Variants in CFAP74 observed in about 807,000 individuals in gnomAD.
The protein encoded by CFAP74 is cilia- and flagella-associated protein 74.
A neutral mutation model predicts 188.9 loss-of-function variants in CFAP74; 124 were observed. That is an observed-to-expected ratio of 0.66 (90% CI 0.57 to 0.76). The LOEUF (loss-of-function observed/expected upper bound fraction) is 0.76. Ranked by LOEUF, CFAP74 falls within the 30% of genes least tolerant of loss-of-function variation. CFAP74 has a pLI of 0.00. For missense variants in CFAP74, 2,198 were observed against 2,165.2 expected (o/e 1.02, Z -0.30); for synonymous variants, 956 against 916.7 (o/e 1.04, Z -0.77).
Position 1,990,774 on chromosome 1 carries a change from T to C in CFAP74, c.67+116A>G, listed in dbSNP as rs1657520200. 13 of 654,110 alleles carry C rather than the reference T, an allele frequency of 2.0e-5. No homozygotes were observed. The East Asian group carries it at 3.8e-4, about 19-fold the overall frequency. The allele number at this position is 654,110 out of a possible 1,614,324, so 40.5% of individuals were successfully genotyped here. The stretch of plus-strand genomic sequence containing the variant: ...AAGCTCCCTCTTTGAGAGAAAAATA[T>C]GAGTGTAAAAGATACCCTCTCCCAG... On this transcript the variant is annotated intron_variant, in intron 2 of 38. Transcript: ENST00000682832.
chr1:1,970,790 C>T lies in CFAP74; in HGVS notation c.915G>A (p.Trp305Ter), dbSNP rs1655904387. The change falls in exon 10 of 39, where the codon TGG becomes TGA. Residue 305 changes from tryptophan (W) to a stop codon, truncating the protein, a stop_gained. Coordinates refer to ENST00000682832, the MANE Select transcript of CFAP74 (RefSeq NM_001304360.2). LOFTEE classifies it high-confidence loss of function. ...CCGCCAGCTCTGCCTTGGCACGGTC[C>T]CATGCTTGGAACTTCCGCAGTGTGT... The part of the protein sequence containing the change: ...NRDTLRKFQA[W>*]DRAKAELAEQ... 1 of 1,614,054 alleles carries T rather than the reference C, an allele frequency of 6.2e-7. No homozygotes were observed. Among genetic ancestry groups the T allele is most frequent in the Non-Finnish European group, 8.5e-7 (1 of 1,180,020 alleles).
chr1:1,943,087 G>A (rs554564854), intron 21 of CFAP74, among the ~76,000 whole-genome samples: 4 of 152,332 alleles, frequency 2.6e-5, no homozygotes, highest in Non-Finnish European at 5.9e-5. Context: ...TCAGGCAGAC[G>A]CTGCTCTGCC....
At chr1:1,953,605 G>A (rs1444593842) in intron 18 of CFAP74, 1 of 153,628 alleles carries the variant, frequency 6.5e-6, no homozygotes, top group African/African-American at 2.4e-5. Flanking sequence ...ATGGTCAATT[G>A]ATTTTTGACA....
At chr1:1,997,294 C>T (rs185650149) in intron 1 of CFAP74, among the ~76,000 whole-genome samples, 3 of 152,012 alleles carry the variant, frequency 2.0e-5, no homozygotes, top group Non-Finnish European at 4.4e-5. Context: ...TGGTGGCGCA[C>T]GCCTGTAATC....
At chr1:1,955,428 C>T (rs1276277907) in intron 18 of CFAP74, 1 of 1,492,700 alleles carries the variant, frequency 6.7e-7, no homozygotes, top group Non-Finnish European at 9.0e-7. Flanking sequence ...TGCGGCTCCG[C>T]CCGTGCTGGG....
At chr1:1,971,205 A>C (rs1486234065) in intron 9 of CFAP74, among the ~76,000 whole-genome samples, 1 of 150,542 alleles carries the variant, frequency 6.6e-6, no homozygotes, top group African/African-American at 2.5e-5. Context: ...GCTTACATGC[A>C]CACCTGCACA....
intron 1 of CFAP74, among the ~76,000 whole-genome samples, chr1:1,998,997 T>G (rs755195864): frequency 6.6e-6 from 1 of 152,244 alleles, no homozygotes; most frequent in Non-Finnish European, 1.5e-5. Context: ...GATTGCTCTA[T>G]AGATTCCCTA....
At chr1:1,928,324 G>A (rs1652083139) in intron 27 of CFAP74, among the ~76,000 whole-genome samples, 1 of 152,040 alleles carries the variant, frequency 6.6e-6, no homozygotes, top group African/African-American at 2.4e-5. Context: ...CCCTTGGGAG[G>A]AAGCCAGGCC....
Position 1,955,463 on chromosome 1 carries a change from CCTT to C in CFAP74, c.2176+225_2176+227del, listed in dbSNP as rs756503785. 5 of 1,561,076 alleles carry C rather than the reference CCTT, an allele frequency of 3.2e-6. No homozygotes were observed. In the South Asian group the frequency reaches 5.6e-5, roughly 17 times the overall value. Reference sequence around the variant, plus strand: ...GCCTGCTGGGCCAATGCTGGAGGTGCCTTCAAGTCTTCGGTTAGCGTCAACGTG... The same window carrying C: ...GCCTGCTGGGCCAATGCTGGAGGTGCCAAGTCTTCGGTTAGCGTCAACGTG... On this transcript the variant is annotated intron_variant, in intron 18 of 38. Coordinates refer to ENST00000682832, the MANE Select transcript of CFAP74 (RefSeq NM_001304360.2).
At chr1:1,969,093 G>A (rs1655696749) in intron 10 of CFAP74, among the ~76,000 whole-genome samples, 1 of 152,200 alleles carries the variant, frequency 6.6e-6, no homozygotes, top group South Asian at 2.1e-4. Context: ...GATGGGCAGA[G>A]GCCAAGCCAG....
rs1455054367 is a variant in CFAP74, at chr1:1,973,061, G to A, written c.675-14C>T. On this transcript the variant is annotated splice_polypyrimidine_tract_variant and intron_variant, in intron 7 of 38. Transcript: ENST00000682832. The surrounding 1 kb of genome is among the most constrained non-coding windows in gnomAD (Gnocchi z 6.2). ...TTCAGGGACTTCCTGTGGGGATATG[G>A]GGCCGTCAGAGGGAAACTCGGCATC... 3 of 1,594,674 alleles carry A rather than the reference G, an allele frequency of 1.9e-6. No individual in the cohort carries two copies. The highest frequency in any genetic ancestry group is 1.7e-6 in the Non-Finnish European group (2 of 1,163,876).
chr1:1,974,742 G>A (rs1022721884), intron 6 of CFAP74, among the ~76,000 whole-genome samples: 10 of 152,246 alleles, frequency 6.6e-5, no homozygotes, highest in Non-Finnish European at 1.0e-4. Context: ...TGAGTGTGGC[G>A]TCTGTGGTGG....
At chr1:1,977,795 A>G (rs541471569) in intron 6 of CFAP74, among the ~76,000 whole-genome samples, 1 of 152,360 alleles carries the variant, frequency 6.6e-6, no homozygotes, top group African/African-American at 2.4e-5. Context: ...CCAGAAAGTC[A>G]TGCAGAAGGA....
intron 4 of CFAP74, chr1:1,987,987 G>C: frequency 2.6e-6 from 1 of 382,686 alleles, no homozygotes; most frequent in Non-Finnish European, 5.2e-6. Context: ...TTTATTTTTA[G>C]AGACAGGGTC....
At chr1:1,991,110 T>C in intron 1 of CFAP74, 135 bp from the exon 2 acceptor site, 1 of 606,472 alleles carries the variant, frequency 1.6e-6, no homozygotes, top group Non-Finnish European at 2.9e-6. Flanking sequence ...CACACACATA[T>C]CTGACACAAG....
chr1:1,955,899 T>C, intron 17 of CFAP74, 49 bp from the exon 18 acceptor site: 1 of 1,568,318 alleles, frequency 6.4e-7, no homozygotes, highest in Non-Finnish European at 8.6e-7. Context: ...CCACCTCCTT[T>C]TCCCAGTCAG....
intron 14 of CFAP74, 200 bp from the exon 15 acceptor site, chr1:1,960,230 C>T (rs1182810142): frequency 2.3e-5 from 13 of 576,966 alleles, no homozygotes; most frequent in Non-Finnish European, 3.6e-5. Flanking sequence ...AGGCAGGGGG[C>T]GCTCCAGTGT....
chr1:1,973,575 G>A lies in CFAP74; in HGVS notation c.674+450C>T, dbSNP rs1656235245. ...TAGGTGGCCGGGCCCTGGCTGAGCA[G>A]GAGACTCATGACAGAAGACGTGTGG... On this transcript the variant is annotated intron_variant, in intron 7 of 38. Coordinates refer to ENST00000682832, the MANE Select transcript of CFAP74 (RefSeq NM_001304360.2). This position sits in a 1 kb window ranked among gnomAD's most constrained non-coding sequence, Gnocchi z 6.2. 6.6e-6 allele frequency among the ~76,000 whole-genome samples: 1 copy of A among 152,104 alleles called. No homozygotes were observed. The highest frequency in any genetic ancestry group is 1.9e-4 in the East Asian group (1 of 5,172).
chr1:1,988,816 T>TGGGGG, intron 3 of CFAP74, 73 bp downstream of exon 3: 1 of 569,862 alleles, frequency 1.8e-6, no homozygotes. Flanking sequence ...CCCGCTCCCT[T>TGGGGG]CACCCACCCC....
Sources: allele counts gnomAD v4.1 joint callset (sites outside exome capture counted in the v4.1 genomes callset), GRCh38; gene constraint gnomAD v4.1.1; non-coding constraint Gnocchi (gnomAD v3.1); transcripts MANE v1.5; gene names NCBI Gene and HGNC (gene_info 2026-07-23, HGNC 2026-07-21).